The following LARGE1 variants were observed in gnomAD, a reference collection of about 807,000 sequenced individuals.
The protein encoded by LARGE1 is LARGE xylosyl- and glucuronyltransferase 1, also known as xylosyl- and glucuronyltransferase LARGE1.
A neutral mutation model predicts 87.6 loss-of-function variants in LARGE1; 43 were observed. That is an observed-to-expected ratio of 0.49 (90% CI 0.38 to 0.63). The LOEUF is 0.63. Ranked by LOEUF, LARGE1 falls within the 30% of genes least tolerant of loss-of-function variation. LARGE1 has a pLI of 0.00. For synonymous variants in LARGE1, 434 were observed against 394.6 expected (o/e 1.10, Z -1.18); for missense variants, 802 against 1,000.2 (o/e 0.80, Z 2.67).
chr22:33,733,929 G>A (rs1342690058), intron 2 of LARGE1, among the ~76,000 whole-genome samples: 1 of 152,168 alleles, frequency 6.6e-6, no homozygotes, highest in Non-Finnish European at 1.5e-5. Context: ...CAACCTGGGT[G>A]GCTTACACAA....
intron 11 of LARGE1, among the ~76,000 whole-genome samples, chr22:33,233,674 A>G (rs1234158109): frequency 6.6e-6 from 1 of 152,154 alleles, no homozygotes; most frequent in Non-Finnish European, 1.5e-5. Context: ...CCCTAAGAAA[A>G]GGGCCTTGTA....
At chr22:33,806,921 A>C (rs1281846269) in intron 1 of LARGE1, among the ~76,000 whole-genome samples, 1 of 152,138 alleles carries the variant, frequency 6.6e-6, no homozygotes, top group Non-Finnish European at 1.5e-5. Context: ...GAGGCAGGAG[A>C]ATCGCTTGAA....
chr22:33,506,214 A>ATT (rs2070758312), intron 6 of LARGE1, among the ~76,000 whole-genome samples: 1 of 151,862 alleles, frequency 6.6e-6, no homozygotes, highest in Non-Finnish European at 1.5e-5. Context: ...ATATATATAT[A>ATT]TTTTTGGACT....
intron 3 of LARGE1, among the ~76,000 whole-genome samples, chr22:33,635,822 C>G (rs768413857): frequency 6.6e-6 from 1 of 152,300 alleles, no homozygotes; most frequent in East Asian, 1.9e-4. Context: ...TTTGGGAAAC[C>G]ACTCATCTAA....
chr22:33,844,382 G>A (rs1001363412), intron 1 of LARGE1, among the ~76,000 whole-genome samples: 1 of 152,162 alleles, frequency 6.6e-6, no homozygotes, highest in Non-Finnish European at 1.5e-5. Flanking sequence ...GTTTAGTAAA[G>A]AGCAAGCTGG....
intron 6 of LARGE1, among the ~76,000 whole-genome samples, chr22:33,514,003 G>C (rs2071178434): frequency 6.6e-6 from 1 of 152,110 alleles, no homozygotes; most frequent in African/African-American, 2.4e-5. Context: ...ATTCAGTATA[G>C]TGACATGCTG....
chr22:33,816,404 G>C lies in LARGE1; in HGVS notation c.-82-54846C>G, dbSNP rs150816847. Among the ~76,000 whole-genome samples, 280 of 152,310 alleles carry C rather than the reference G, an allele frequency of 1.8e-3. 1 individual carries two copies. Among genetic ancestry groups the C allele is most frequent in the African/African-American group, 6.3e-3 (263 of 41,566 alleles). ...CAACAGCAGATTCAGTGTCTGGTGA[G>C]AGTCTGCTTTCTGTTCACAGATGGC... On this transcript the variant is annotated intron_variant, in intron 1 of 14. Coordinates refer to ENST00000397394, the MANE Select transcript of LARGE1 (RefSeq NM_133642.5).
At chr22:33,722,066 A>G (rs2083115287) in intron 2 of LARGE1, among the ~76,000 whole-genome samples, 1 of 152,158 alleles carries the variant, frequency 6.6e-6, no homozygotes, top group African/African-American at 2.4e-5. Context: ...AGCCTGGCCA[A>G]CATGGTGAAA....
At chr22:33,580,902 G>A (rs367611455) in intron 5 of LARGE1, among the ~76,000 whole-genome samples, 40 of 152,296 alleles carry the variant, frequency 2.6e-4, no homozygotes, top group East Asian at 7.7e-4. Context: ...ATTCTAGTTA[G>A]ATGAGTTTTT....
At chr22:33,539,393 T>G (rs766176681) in intron 6 of LARGE1, among the ~76,000 whole-genome samples, 17 of 152,186 alleles carry the variant, frequency 1.1e-4, no homozygotes, top group Non-Finnish European at 2.4e-4. Flanking sequence ...CTGGATGTTC[T>G]TTTATTAAAG....
At chr22:33,760,068 C>T (rs2084666608) in intron 2 of LARGE1, among the ~76,000 whole-genome samples, 1 of 152,106 alleles carries the variant, frequency 6.6e-6, no homozygotes, top group African/African-American at 2.4e-5. Flanking sequence ...AAGTGGAGAT[C>T]CTAATTAAAA....
At chr22:33,247,052 TGTGTG>T (rs1926797390) in intron 11 of LARGE1, among the ~76,000 whole-genome samples, 1 of 4,024 alleles carries the variant, frequency 2.5e-4, no homozygotes, top group African/African-American at 4.7e-4. Flanking sequence ...CCAGTATGTG[TGTGTG>T]TGTGTGTGTG....
intron 10 of LARGE1, among the ~76,000 whole-genome samples, chr22:33,318,793 AT>A (rs56279757): frequency 0.094 from 13,991 of 148,086 alleles, 720 homozygotes; most frequent in African/African-American, 0.15. Context: ...GGCTGGTTCC[AT>A]TTTTTTTTTT....
intron 7 of LARGE1, 24 bp from the exon 8 acceptor site, chr22:33,384,328 G>C: frequency 6.4e-7 from 1 of 1,556,948 alleles, no homozygotes; most frequent in Non-Finnish European, 8.9e-7. Context: ...CAGGATAAAA[G>C]AGAAAATTAA....
chr22:33,189,884 G>A (rs369062465), intron 11 of LARGE1, among the ~76,000 whole-genome samples: 3 of 152,264 alleles, frequency 2.0e-5, no homozygotes, highest in Admixed American at 1.3e-4. Context: ...CAGGGAGAGG[G>A]CACAGCAAGG....
intron 11 of LARGE1, among the ~76,000 whole-genome samples, chr22:33,170,890 T>A (rs959803098): frequency 1.8e-4 from 27 of 151,928 alleles, no homozygotes; most frequent in African/African-American, 4.8e-4. Context: ...GTTGGAACAG[T>A]TAGGAGGGCT....
chr22:33,588,310 T>C (rs907053003), intron 5 of LARGE1, among the ~76,000 whole-genome samples: 1 of 152,056 alleles, frequency 6.6e-6, no homozygotes, highest in Non-Finnish European at 1.5e-5. Context: ...AAGTAACAGG[T>C]GGAAAGATAA....
At chr22:33,205,128 CTCTT>C (rs1257206889) in intron 11 of LARGE1, among the ~76,000 whole-genome samples, 1 of 152,172 alleles carries the variant, frequency 6.6e-6, no homozygotes, top group Non-Finnish European at 1.5e-5. Context: ...CAAAATCATA[CTCTT>C]TCTTTAAGAC....
intron 6 of LARGE1, among the ~76,000 whole-genome samples, chr22:33,483,697 G>C (rs973358734): frequency 2.6e-5 from 4 of 152,184 alleles, no homozygotes; most frequent in Non-Finnish European, 5.9e-5. Flanking sequence ...GGGCACTGAA[G>C]ATCCTGCCTC....
Sources: gnomAD v4.1 joint callset for allele counts (sites outside exome capture counted in the v4.1 genomes callset) on GRCh38, gnomAD v4.1.1 for gene constraint, MANE v1.5 for transcripts, NCBI Gene and HGNC (gene_info 2026-07-23, HGNC 2026-07-21) for gene names.